The following DGCR2 variants were observed in gnomAD, a reference collection of about 807,000 sequenced individuals.
The protein encoded by DGCR2 is DiGeorge syndrome critical region gene 2, also known as integral membrane protein DGCR2/IDD.
A neutral mutation model predicts 51.6 loss-of-function variants in DGCR2; 24 were observed. The observed-to-expected ratio is 0.47, with a 90% CI of 0.34 to 0.65. The LOEUF is 0.65. DGCR2 is among the 30% of genes least tolerant of loss of function. DGCR2 has a pLI of 0.01. For synonymous variants in DGCR2, 340 were observed against 315.4 expected (o/e 1.08, Z -0.82); for missense variants, 765 against 772.1 (o/e 0.99, Z 0.11).
chr22:19,054,266 GT>G (rs1172688304), intron 6 of DGCR2, among the ~76,000 whole-genome samples: 1 of 152,186 alleles, frequency 6.6e-6, no homozygotes, highest in Non-Finnish European at 1.5e-5. Context: ...AGTATCTTCA[GT>G]TTACTCCCAA....
At chr22:19,056,344 C>T (rs796714543) in intron 6 of DGCR2, 12 of 253,944 alleles carry the variant, frequency 4.7e-5, no homozygotes, top group African/African-American at 2.3e-4. Flanking sequence ...GGACCACCGT[C>T]AACAAGAACG....
At chr22:19,099,183 A>C (rs892164275) in intron 1 of DGCR2, among the ~76,000 whole-genome samples, 1 of 152,178 alleles carries the variant, frequency 6.6e-6, no homozygotes, top group Non-Finnish European at 1.5e-5. Context: ...TAATGAACAA[A>C]GAAAGTCAAT....
chr22:19,041,694 G>A, intron 8 of DGCR2, 113 bp downstream of exon 8: 1 of 1,233,848 alleles, frequency 8.1e-7, no homozygotes, highest in Non-Finnish European at 1.1e-6. Flanking sequence ...ACAACATGTG[G>A]CCTTCAAACC....
intron 1 of DGCR2, among the ~76,000 whole-genome samples, chr22:19,103,416 CTTTTTTTTTTTTTTT>C (rs55877455): frequency 0.012 from 834 of 67,754 alleles, 11 homozygotes; most frequent in African/African-American, 0.037. Flanking sequence ...AAAAAAAGTT[CTTTTTTTTTTTTTTT>C]TTTTTTTTTT....
In DGCR2 at chr22:19,048,615, G is replaced by A. The variant is rs755702955; in HGVS notation, c.831C>T (p.Asn277=). Residue 277 remains asparagine, a synonymous_variant, in exon 7 of 10, where the codon AAC becomes AAT. Transcript: ENST00000263196. ...TGAAGTAGAACCCTTCATCCACCAC[G>A]TTGTCCTTGATGTCAACACATGTTT... ...RSQTCVDIKD[N]VVDEGFYFTP... 1.4e-5 allele frequency: 23 copies of A among 1,614,096 alleles called. No individual in the cohort carries two copies. Among genetic ancestry groups the A allele is most frequent in the East Asian group, 6.7e-5 (3 of 44,900 alleles).
At chr22:19,055,060 G>C (rs2082586965) in intron 6 of DGCR2, among the ~76,000 whole-genome samples, 2 of 152,184 alleles carry the variant, frequency 1.3e-5, no homozygotes, top group Non-Finnish European at 1.5e-5. Context: ...AGGTTACAGT[G>C]AGCTGAAATC....
chr22:19,036,594 G>T lies in DGCR2; in HGVS notation c.*2271C>A, dbSNP rs1341430463. Reference sequence around the variant, plus strand: ...CAGGCCTTGCAAAGGGGGCATTCTGGATGGTGGTGCAAGAACAGATGAGCG... The same window carrying T: ...CAGGCCTTGCAAAGGGGGCATTCTGTATGGTGGTGCAAGAACAGATGAGCG... On this transcript the variant is annotated 3_prime_UTR_variant, in exon 10 of 10. Coordinates refer to ENST00000263196, the MANE Select transcript of DGCR2 (RefSeq NM_005137.3). 6.6e-6 allele frequency: 1 copy of T among 152,286 alleles called. No homozygotes were observed. The highest frequency in any genetic ancestry group is 1.5e-5 in the Non-Finnish European group (1 of 68,084). The allele number at this position is 152,286 out of a possible 1,614,324, so 9.4% of individuals were successfully genotyped here.
chr22:19,119,878 C>G (rs1273058721), intron 1 of DGCR2, among the ~76,000 whole-genome samples: 1 of 152,058 alleles, frequency 6.6e-6, no homozygotes, highest in Non-Finnish European at 1.5e-5. Context: ...GGGACCCCAC[C>G]AGGCAGGAGT....
chr22:19,105,048 C>T (rs531217656), intron 1 of DGCR2, among the ~76,000 whole-genome samples: 1 of 152,288 alleles, frequency 6.6e-6, no homozygotes, highest in African/African-American at 2.4e-5. Flanking sequence ...GAGGGCCGGG[C>T]ACGGTGGCTC....
chr22:19,079,318 A>G lies in DGCR2; in HGVS notation c.202+10050T>C, dbSNP rs548812699. 1.1e-4 allele frequency among the ~76,000 whole-genome samples: 16 copies of G among 152,300 alleles called. No homozygotes were observed. In the South Asian group the frequency reaches 3.1e-3, roughly 30 times the overall value. ...AAAATCAGAAAAAAATCCAAAATCC[A>G]AAACACTTCTGGTCCCAAACATTTC... On this transcript the variant is annotated intron_variant, in intron 2 of 9. Coordinates refer to ENST00000263196, the MANE Select transcript of DGCR2 (RefSeq NM_005137.3).
chr22:19,063,088 C>T, intron 5 of DGCR2, 114 bp downstream of exon 5: 1 of 1,007,094 alleles, frequency 9.9e-7, no homozygotes. Flanking sequence ...TCACCCACTC[C>T]CTGCACAGCA....
chr22:19,090,214 C>T lies in DGCR2; in HGVS notation c.80-724G>A, dbSNP rs186977563. On this transcript the variant is annotated intron_variant, in intron 1 of 9. Transcript: ENST00000263196. ...AAAAAATGTGCAAATCATCAGTAAGCTGTGGAACAACCTCACACACCCTAA... is the reference window on the plus strand; with the variant it reads ...AAAAAATGTGCAAATCATCAGTAAGTTGTGGAACAACCTCACACACCCTAA... Among the ~76,000 whole-genome samples, 502 of 152,318 alleles carry T rather than the reference C, an allele frequency of 3.3e-3. 3 individuals carry two copies. The Middle Eastern group carries it at 0.037, about 11-fold the overall frequency.
At chr22:19,046,092 A>G (rs2082486561) in intron 7 of DGCR2, 1 of 152,172 alleles carries the variant, frequency 6.6e-6, no homozygotes, top group Non-Finnish European at 1.5e-5. Context: ...TTTGGTTGGG[A>G]TTATACTGAA....
intron 7 of DGCR2, 118 bp downstream of exon 7, chr22:19,048,322 C>G: frequency 9.4e-7 from 1 of 1,065,450 alleles, no homozygotes; most frequent in Non-Finnish European, 1.4e-6. Context: ...GCTGCCATTG[C>G]TGCTGCGCGA....
chr22:19,103,413 GT>G (rs1323487473), intron 1 of DGCR2, among the ~76,000 whole-genome samples: 1 of 87,568 alleles, frequency 1.1e-5, no homozygotes, highest in Non-Finnish European at 2.4e-5. Context: ...AATAAAAAAA[GT>G]TCTTTTTTTT....
At chr22:19,063,353 G>C (rs2082708862) in intron 4 of DGCR2, 75 bp from the exon 5 acceptor site, 5 of 1,449,412 alleles carry the variant, frequency 3.4e-6, no homozygotes, top group Non-Finnish European at 1.9e-6. Context: ...TGTGTTTTTT[G>C]TTTTTTGAGA....
At chr22:19,040,919 A>G (rs1485303390) in intron 9 of DGCR2, 139 bp downstream of exon 9, 2 of 767,562 alleles carry the variant, frequency 2.6e-6, no homozygotes, top group Non-Finnish European at 4.1e-6. Context: ...CCCCAGGAGA[A>G]GCCTTAAAGG....
At chr22:19,099,745 T>C (rs1042086699) in intron 1 of DGCR2, among the ~76,000 whole-genome samples, 3 of 140,576 alleles carry the variant, frequency 2.1e-5, no homozygotes, top group Admixed American at 7.0e-5. Context: ...CCAAGGCACG[T>C]GGATCACAAG....
At chr22:19,114,646 G>A (rs561330955) in intron 1 of DGCR2, among the ~76,000 whole-genome samples, 2 of 152,320 alleles carry the variant, frequency 1.3e-5, no homozygotes, top group East Asian at 3.9e-4. Context: ...CATCTGGCCC[G>A]GTCCTGTGGT....
Sources: allele counts gnomAD v4.1 joint callset (sites outside exome capture counted in the v4.1 genomes callset), GRCh38; gene constraint gnomAD v4.1.1; transcripts MANE v1.5; gene names NCBI Gene and HGNC (gene_info 2026-07-23, HGNC 2026-07-21).